EPHA5: variants seen among roughly 807,000 people sequenced by gnomAD.
The protein encoded by EPHA5 is ephrin type-A receptor 5.
EPHA5 carries 60 observed loss-of-function variants against 105.0 expected under a neutral mutation model. The observed-to-expected ratio is 0.57, with a 90% CI of 0.46 to 0.71. The LOEUF is 0.71. Among genes scored for constraint, EPHA5 ranks in the 30% least tolerant of loss-of-function variants. EPHA5 has a pLI of 0.00. For synonymous variants in EPHA5, 513 were observed against 449.1 expected, an observed-to-expected ratio of 1.14 and a Z score of -1.80; for missense variants, 1,218 against 1,274.7, an observed-to-expected ratio of 0.96 and a Z score of 0.68.
intron 5 of EPHA5, among the ~76,000 whole-genome samples, chr4:65,462,558 G>T (rs145969267): frequency 2.0e-5 from 3 of 152,074 alleles, no homozygotes; most frequent in Non-Finnish European, 2.9e-5. Context: ...CAGGAGTCTG[G>T]GGCTTCAGTG....
chr4:65,660,499 T>G (rs2149548460), intron 1 of EPHA5, among the ~76,000 whole-genome samples: 1 of 152,192 alleles, frequency 6.6e-6, no homozygotes, highest in East Asian at 1.9e-4. Context: ...CTATATGTAG[T>G]AATAGGAGAA....
At chr4:65,377,945 T>C (rs1170169220) in intron 8 of EPHA5, among the ~76,000 whole-genome samples, 4 of 151,924 alleles carry the variant, frequency 2.6e-5, no homozygotes, top group Non-Finnish European at 4.4e-5. Flanking sequence ...TCAGTAGAGA[T>C]AGGATATACC....
At chr4:65,438,725 ATT>A (rs985163801) in intron 5 of EPHA5, among the ~76,000 whole-genome samples, 87 of 152,142 alleles carry the variant, frequency 5.7e-4, no homozygotes, top group African/African-American at 1.4e-3. Flanking sequence ...CTGAAAACTA[ATT>A]TTTAGAGTTA....
rs112543801 is a variant in EPHA5 at position 65,419,781 on chromosome 4, A to T, written c.1527+660T>A. Among the ~76,000 whole-genome samples, 208 of 152,292 alleles carry T rather than the reference A, an allele frequency of 1.4e-3. 1 individual carries two copies. The highest frequency in any genetic ancestry group is 4.7e-3 in the African/African-American group (196 of 41,572). ...CAGCTTCCATCTGTATGACTCTTTC[A>T]TCAATAGCTCACTTGCTTGTGAATT... On this transcript the variant is annotated intron_variant, in intron 6 of 16. Transcript: ENST00000613740.
At chr4:65,364,979 G>C (rs1251730219) in intron 11 of EPHA5, 38 bp downstream of exon 11, 1 of 1,537,654 alleles carries the variant, frequency 6.5e-7, no homozygotes. Flanking sequence ...AGATATTGAG[G>C]ATATGCACAC....
chr4:65,628,107 T>A (rs753863303), intron 2 of EPHA5, among the ~76,000 whole-genome samples: 1 of 152,178 alleles, frequency 6.6e-6, no homozygotes, highest in East Asian at 1.9e-4. Flanking sequence ...TTGAAAAAAA[T>A]GGACATCTTT....
At chr4:65,568,328 T>G (rs1469367585) in intron 3 of EPHA5, among the ~76,000 whole-genome samples, 1 of 151,486 alleles carries the variant, frequency 6.6e-6, no homozygotes, top group Non-Finnish European at 1.5e-5. Context: ...CCTAACACAA[T>G]TCTATCTCTC....
intron 3 of EPHA5, among the ~76,000 whole-genome samples, chr4:65,540,796 C>A (rs2149320527): frequency 6.7e-6 from 1 of 149,452 alleles, no homozygotes. Flanking sequence ...CATCCCCTCT[C>A]TTTAATGGTA....
chr4:65,612,747 T>C (rs1744892381), intron 2 of EPHA5, among the ~76,000 whole-genome samples: 1 of 152,224 alleles, frequency 6.6e-6, no homozygotes. Context: ...GTTGTTATTG[T>C]TTCTGTTCCT....
intron 3 of EPHA5, among the ~76,000 whole-genome samples, chr4:65,541,504 A>C (rs1253969988): frequency 1.3e-5 from 2 of 152,004 alleles, no homozygotes; most frequent in Non-Finnish European, 1.5e-5. Flanking sequence ...GAGACAAAGA[A>C]GGGCATTACA....
rs1332710619 is a variant in EPHA5, at chr4:65,351,509, A to G, written c.2325T>C (p.Tyr775=). 1.2e-6 allele frequency: 2 copies of G among 1,613,794 alleles called. No homozygotes were observed. The highest frequency in any genetic ancestry group is 1.7e-6 in the Non-Finnish European group (2 of 1,179,824). Reference sequence around the variant, plus strand: ...TTCTGGCAGCAAGATCTCTATGCACATAGCCCATGTCAGAAAGGTACTTCA... The same window carrying G: ...TTCTGGCAGCAAGATCTCTATGCACGTAGCCCATGTCAGAAAGGTACTTCA... ...AGMKYLSDMG[Y]VHRDLAARNI... Residue 775 remains tyrosine, a synonymous_variant, in exon 13 of 17, where the codon TAT becomes TAC. Transcript: ENST00000613740.
intron 1 of EPHA5, among the ~76,000 whole-genome samples, chr4:65,667,234 A>T (rs2149563511): frequency 6.6e-6 from 1 of 152,332 alleles, no homozygotes; most frequent in East Asian, 1.9e-4. Flanking sequence ...TGCTCAATTT[A>T]TAGCAATAGC....
intron 1 of EPHA5, among the ~76,000 whole-genome samples, chr4:65,668,122 C>T (rs925072590): frequency 1.3e-5 from 2 of 152,104 alleles, no homozygotes; most frequent in African/African-American, 2.4e-5. Flanking sequence ...CTTTAATTAG[C>T]GTTTAAAAAA....
intron 16 of EPHA5, among the ~76,000 whole-genome samples, chr4:65,329,779 C>G (rs1037660013): frequency 1.3e-5 from 2 of 149,394 alleles, no homozygotes; most frequent in African/African-American, 4.9e-5. Flanking sequence ...AATCCCGTCT[C>G]CTTTGCCATT....
chr4:65,654,811 A>G (rs1748915576), intron 1 of EPHA5, among the ~76,000 whole-genome samples: 2 of 147,214 alleles, frequency 1.4e-5, no homozygotes, highest in South Asian at 4.2e-4. Context: ...TAAATTAGAT[A>G]GGATATAACT....
At chr4:65,447,672 G>A (rs1385179291) in intron 5 of EPHA5, among the ~76,000 whole-genome samples, 7 of 151,860 alleles carry the variant, frequency 4.6e-5, no homozygotes, top group Non-Finnish European at 2.9e-5. Flanking sequence ...AGCTTAAAAT[G>A]TTAAATTATT....
intron 3 of EPHA5, among the ~76,000 whole-genome samples, chr4:65,596,584 G>A (rs1341315198): frequency 1.3e-5 from 2 of 151,882 alleles, no homozygotes; most frequent in Non-Finnish European, 2.9e-5. Flanking sequence ...TAAAATGGGG[G>A]GAAAAAGACT....
intron 3 of EPHA5, among the ~76,000 whole-genome samples, chr4:65,505,430 G>A (rs1732912810): frequency 2.0e-5 from 3 of 152,058 alleles, no homozygotes; most frequent in Admixed American, 2.0e-4. Context: ...TGTCAAATGA[G>A]TTTAATAAAT....
chr4:65,622,740 A>G (rs1304615490), intron 2 of EPHA5, among the ~76,000 whole-genome samples: 1 of 151,964 alleles, frequency 6.6e-6, no homozygotes, highest in African/African-American at 2.4e-5. Flanking sequence ...GATGAGGAAC[A>G]TAACTCCTGT....
Sources: allele counts gnomAD v4.1 joint callset (sites outside exome capture counted in the v4.1 genomes callset), GRCh38; gene constraint gnomAD v4.1.1; transcripts MANE v1.5; gene names NCBI Gene and HGNC (gene_info 2026-07-23, HGNC 2026-07-21).